Variants in GRIA3 observed in about 807,000 individuals in gnomAD.
GRIA3 encodes glutamate receptor 3.
GRIA3 carries 3 observed loss-of-function variants against 63.0 expected under a neutral mutation model. The observed-to-expected ratio is 0.05, with a 90% confidence interval of 0.02 to 0.12. The LOEUF (loss-of-function observed/expected upper bound fraction) is 0.12, where lower values mean the gene tolerates loss of function less well. Ranked by LOEUF, GRIA3 falls within the 10% of genes least tolerant of loss-of-function variation. The pLI is 1.00. For missense variants in GRIA3, 347 were observed against 700.9 expected (o/e 0.50, Z 5.70); for synonymous variants, 274 against 257.9 (o/e 1.06, Z -0.60).
intron 2 of GRIA3, among the ~76,000 whole-genome samples, chrX:123,206,871 GCT>G (rs1477615428): frequency 8.9e-6 from 1 of 112,053 alleles, no homozygotes; most frequent in Non-Finnish European, 1.9e-5. Flanking sequence ...TTCAAGTGCA[GCT>G]CTAAGTTAGG....
intron 3 of GRIA3, among the ~76,000 whole-genome samples, chrX:123,305,439 T>C (rs1223803223): frequency 8.9e-6 from 1 of 112,324 alleles, no homozygotes; most frequent in Non-Finnish European, 1.9e-5. Flanking sequence ...TCTTAAAATA[T>C]AGATTTTCTA....
intron 2 of GRIA3, among the ~76,000 whole-genome samples, chrX:123,222,235 C>T (rs926235774): frequency 9.4e-4 from 105 of 111,753 alleles, no homozygotes; most frequent in African/African-American, 3.4e-3. Flanking sequence ...ATCCAAATAG[C>T]CCCCATAGCA....
chrX:123,310,926 C>T (rs956361487), intron 3 of GRIA3, among the ~76,000 whole-genome samples: 1 of 109,840 alleles, frequency 9.1e-6, no homozygotes, highest in Non-Finnish European at 1.9e-5. Context: ...CCTCTTGAAC[C>T]CAGGACATAG....
At chrX:123,249,791 T>A (rs1017493020) in intron 2 of GRIA3, among the ~76,000 whole-genome samples, 1 of 111,904 alleles carries the variant, frequency 8.9e-6, no homozygotes, top group South Asian at 3.7e-4. Flanking sequence ...GAGTCCCTTG[T>A]CTGAGTCACA....
intron 9 of GRIA3, 116 bp downstream of exon 9, chrX:123,403,635 G>A (rs760822444): frequency 1.8e-6 from 1 of 558,960 alleles, no homozygotes; most frequent in African/African-American, 2.2e-5. Flanking sequence ...ACTTCCAACA[G>A]GGAAGCTCAG....
Position 123,202,571 on chromosome X carries a change from C to T in GRIA3, c.268+16581C>T, listed in dbSNP as rs1338178033. The T allele has an allele frequency of 6.5e-6, 7 of 1,083,395 alleles. No individual in the cohort carries two copies. In the African/African-American group the frequency reaches 1.3e-4, roughly 20 times the overall value. The allele number at this position is 1,083,395 out of a possible 1,213,427, so 89.3% of individuals were successfully genotyped here. On this transcript the variant is annotated intron_variant, in intron 2 of 15. Coordinates refer to ENST00000620443, the MANE Select transcript of GRIA3 (RefSeq NM_007325.5). The stretch of plus-strand genomic sequence containing the variant: ...TCCTCAATCTTGAAGTGCCCCCTTT[C>T]CACCCTTCCGCTGAAGGAGACCTAT...
At chrX:123,308,419 T>C (rs1031798594) in intron 3 of GRIA3, among the ~76,000 whole-genome samples, 2 of 111,867 alleles carry the variant, frequency 1.8e-5, no homozygotes, top group Non-Finnish European at 3.8e-5. Flanking sequence ...TTCTCTGTAA[T>C]TGATATGCTG....
At chrX:123,220,976 C>T (rs1928274143) in intron 2 of GRIA3, among the ~76,000 whole-genome samples, 1 of 112,096 alleles carries the variant, frequency 8.9e-6, no homozygotes, top group South Asian at 3.7e-4. Context: ...GACAACAATT[C>T]TATGGAGTAG....
At chrX:123,234,535 A>G (rs907499057) in intron 2 of GRIA3, among the ~76,000 whole-genome samples, 2 of 111,799 alleles carry the variant, frequency 1.8e-5, no homozygotes, top group East Asian at 5.7e-4. Context: ...AGGAAATTAC[A>G]TTCCAAGCAG....
chrX:123,332,577 C>T (rs1451247719), intron 4 of GRIA3, among the ~76,000 whole-genome samples: 2 of 111,138 alleles, frequency 1.8e-5, no homozygotes, highest in East Asian at 2.8e-4. Flanking sequence ...TGACTGGCCT[C>T]GCATCTGACA....
chrX:123,281,408 C>T (rs2044585049), intron 3 of GRIA3, among the ~76,000 whole-genome samples: 1 of 111,855 alleles, frequency 8.9e-6, no homozygotes, highest in Non-Finnish European at 1.9e-5. Flanking sequence ...TTCTGAGTGG[C>T]CAAAGAATTC....
At chrX:123,247,243 T>G in intron 2 of GRIA3, among the ~76,000 whole-genome samples, 1 of 112,559 alleles carries the variant, frequency 8.9e-6, no homozygotes, top group Admixed American at 9.4e-5. Context: ...GTTCTGTAAA[T>G]GATATGCAAT....
Position 123,253,478 on chromosome X carries a change from T to G in GRIA3, c.444T>G (p.Ala148=), listed in dbSNP as rs34670241. The change falls in exon 3 of 16, where the codon GCT becomes GCG. Residue 148 remains alanine (A), a synonymous_variant. Coordinates refer to ENST00000620443, the MANE Select transcript of GRIA3 (RefSeq NM_007325.5). ...AGATGCGCCCAGCCTTGAAGGGCGC[T>G]ATTCTGAGTCTTCTGGGTCATTACA... ...VIQMRPALKG[A]ILSLLGHYKW... 210 of 1,205,436 alleles carry G rather than the reference T, an allele frequency of 1.7e-4. No individual in the cohort carries two copies. Among genetic ancestry groups the G allele is most frequent in the Non-Finnish European group, 2.2e-4 (198 of 891,194 alleles).
At chrX:123,376,957 C>A (rs2045288926) in intron 5 of GRIA3, among the ~76,000 whole-genome samples, 1 of 70,635 alleles carries the variant, frequency 1.4e-5, no homozygotes, top group Non-Finnish European at 2.7e-5. Context: ...TTTTTTGAGG[C>A]AGAGTCTTGC....
At chrX:123,327,624 A>T (rs761984089) in intron 4 of GRIA3, among the ~76,000 whole-genome samples, 65 of 111,123 alleles carry the variant, frequency 5.8e-4, no homozygotes, top group African/African-American at 2.0e-3. Flanking sequence ...AGACGGAAGG[A>T]AGGGAGGAAA....
chrX:123,361,984 A>T (rs2045178201), intron 5 of GRIA3, among the ~76,000 whole-genome samples: 1 of 112,171 alleles, frequency 8.9e-6, no homozygotes, highest in African/African-American at 3.2e-5. Context: ...AATAGCCATT[A>T]TATTACCCTG....
At chrX:123,442,404 G>A (rs2045679149) in intron 12 of GRIA3, among the ~76,000 whole-genome samples, 2 of 112,084 alleles carry the variant, frequency 1.8e-5, no homozygotes, top group Non-Finnish European at 1.9e-5. Flanking sequence ...GGACTGTTCC[G>A]TGGGGCCCCA....
chrX:123,283,142 G>A (rs1303898280), intron 3 of GRIA3, among the ~76,000 whole-genome samples: 2 of 111,459 alleles, frequency 1.8e-5, no homozygotes, highest in Non-Finnish European at 3.8e-5. Context: ...AGCACAAGGG[G>A]TCGGGGAACT....
At chrX:123,455,682 A>G (rs1182256468) in intron 12 of GRIA3, among the ~76,000 whole-genome samples, 1 of 112,046 alleles carries the variant, frequency 8.9e-6, no homozygotes, top group African/African-American at 3.2e-5. Context: ...GGGGATTTGG[A>G]GTTAATTTAC....
Sources: allele counts gnomAD v4.1 joint callset (sites outside exome capture counted in the v4.1 genomes callset), GRCh38; gene constraint gnomAD v4.1.1; transcripts MANE v1.5; gene names NCBI Gene and HGNC (gene_info 2026-07-23, HGNC 2026-07-21).